The following NSUN6 variants were observed in gnomAD, a reference collection of about 807,000 sequenced individuals.
NSUN6 encodes tRNA (cytosine(72)-C(5))-methyltransferase NSUN6.
A neutral mutation model predicts 58.0 loss-of-function variants in NSUN6; 64 were observed. That is an observed-to-expected ratio of 1.10 (90% CI 0.90 to 1.36). NSUN6 has a LOEUF of 1.36. Ranked by LOEUF, NSUN6 falls within the 40% of genes most tolerant of loss-of-function variation. The pLI is 0.00. For synonymous variants in NSUN6, 231 were observed against 193.9 expected (o/e 1.19, Z -1.59); for missense variants, 701 against 550.1 (o/e 1.27, Z -2.74).
At chr10:18,594,866 G>C (rs1456422132) in intron 7 of NSUN6, among the ~76,000 whole-genome samples, 1 of 152,072 alleles carries the variant, frequency 6.6e-6, no homozygotes, top group Non-Finnish European at 1.5e-5. Context: ...CATGTGATTT[G>C]TTTTGGCCAA....
chr10:18,595,654 A>T (rs573021007), intron 7 of NSUN6, among the ~76,000 whole-genome samples: 32 of 152,238 alleles, frequency 2.1e-4, no homozygotes, highest in Non-Finnish European at 4.3e-4. Flanking sequence ...TGAGTATTAC[A>T]TTCCTCAAAA....
chr10:18,594,510 G>A lies in NSUN6; in HGVS notation c.777+1698C>T, dbSNP rs541249476. On this transcript the variant is annotated intron_variant, in intron 7 of 10. Coordinates refer to ENST00000377304, the MANE Select transcript of NSUN6 (RefSeq NM_182543.5). ...GTCACCCATGCTGGAGTGCAGTGGC[G>A]CGATCTTGGCTCACTGCAATCTCTG... Among the ~76,000 whole-genome samples the A allele has an allele frequency of 1.7e-3, 259 of 151,660 alleles. 1 individual carries two copies. The highest frequency in any genetic ancestry group is 5.8e-3 in the African/African-American group (241 of 41,342).
At chr10:18,594,947 T>A (rs1385174319) in intron 7 of NSUN6, among the ~76,000 whole-genome samples, 1 of 152,176 alleles carries the variant, frequency 6.6e-6, no homozygotes, top group African/African-American at 2.4e-5. Flanking sequence ...CTTGAACAGT[T>A]GGACTTGCTC....
At chr10:18,640,929 T>C (rs1443798864) in intron 3 of NSUN6, among the ~76,000 whole-genome samples, 2 of 151,968 alleles carry the variant, frequency 1.3e-5, no homozygotes, top group Non-Finnish European at 2.9e-5. Flanking sequence ...CCAATCTAAT[T>C]TCCTCAGAGT....
intron 6 of NSUN6, among the ~76,000 whole-genome samples, chr10:18,601,766 A>G (rs2057848877): frequency 6.6e-6 from 1 of 152,022 alleles, no homozygotes; most frequent in Non-Finnish European, 1.5e-5. Context: ...CCAGATCACC[A>G]GGTCAGGAGT....
At chr10:18,623,842 T>G (rs1396447390) in intron 3 of NSUN6, among the ~76,000 whole-genome samples, 1 of 152,184 alleles carries the variant, frequency 6.6e-6, no homozygotes. Flanking sequence ...GCCTCGGCTC[T>G]GCTCACCAGG....
chr10:18,609,907 T>A lies in NSUN6; in HGVS notation c.595A>T (p.Thr199Ser), dbSNP rs145857743. ...GAAGGGCTGAGATATACTGGTTCTG[T>A]CATTCTTATGCCCATGCCTCTGAAA... ...PELKGMGIRM[T>S]EPVYLSPSFD... The change falls in exon 6 of 11, where the codon ACA becomes TCA. Residue 199 changes from threonine (T) to serine (S), a missense_variant. Coordinates refer to ENST00000377304, the MANE Select transcript of NSUN6 (RefSeq NM_182543.5). The A allele has an allele frequency of 1.0e-4, 162 of 1,599,678 alleles. No individual in the cohort carries two copies. The highest frequency in any genetic ancestry group is 2.6e-4 in the South Asian group (24 of 90,666).
intron 6 of NSUN6, among the ~76,000 whole-genome samples, chr10:18,607,676 A>G (rs2058090697): frequency 6.6e-6 from 1 of 152,244 alleles, no homozygotes; most frequent in South Asian, 2.1e-4. Context: ...CATTTTCAAA[A>G]GGCCCTGCTG....
chr10:18,625,429 T>C (rs921865370), intron 3 of NSUN6, among the ~76,000 whole-genome samples: 1 of 151,972 alleles, frequency 6.6e-6, no homozygotes, highest in Non-Finnish European at 1.5e-5. Flanking sequence ...TAAGAGGAAA[T>C]AGGCTGAGTG....
At chr10:18,574,224 G>C (rs1028728946) in intron 8 of NSUN6, among the ~76,000 whole-genome samples, 3 of 151,992 alleles carry the variant, frequency 2.0e-5, no homozygotes, top group Non-Finnish European at 4.4e-5. Flanking sequence ...GTTATTAGTC[G>C]AAGAAAGCAG....
intron 1 of NSUN6, among the ~76,000 whole-genome samples, chr10:18,650,561 A>G (rs2059673821): frequency 6.6e-6 from 1 of 152,180 alleles, no homozygotes; most frequent in Non-Finnish European, 1.5e-5. Flanking sequence ...CAAAAGCTGT[A>G]CCTTTGTTCA....
intron 6 of NSUN6, among the ~76,000 whole-genome samples, chr10:18,600,937 A>AT (rs1228803854): frequency 1.5e-4 from 5 of 33,816 alleles, no homozygotes; most frequent in Non-Finnish European, 2.0e-4. Flanking sequence ...CAAAAAAAAA[A>AT]AAAAATATAT....
intron 8 of NSUN6, among the ~76,000 whole-genome samples, chr10:18,565,863 CCAGTT>C (rs2055888940): frequency 6.6e-6 from 1 of 150,886 alleles, no homozygotes; most frequent in Non-Finnish European, 1.5e-5. Flanking sequence ...ATTCTCCATT[CCAGTT>C]CATTCTGCAT....
At chr10:18,611,371 C>T (rs2058228949) in intron 5 of NSUN6, among the ~76,000 whole-genome samples, 1 of 151,996 alleles carries the variant, frequency 6.6e-6, no homozygotes, top group Non-Finnish European at 1.5e-5. Context: ...TCTTGGCAGA[C>T]ATGCATCTAC....
intron 5 of NSUN6, among the ~76,000 whole-genome samples, chr10:18,612,926 T>A (rs191714835): frequency 2.4e-4 from 37 of 152,312 alleles, no homozygotes; most frequent in Middle Eastern, 6.8e-3. Flanking sequence ...AGGACTCAAA[T>A]TCACTAACTG....
chr10:18,642,531 T>C lies in NSUN6; in HGVS notation c.256A>G (p.Ile86Val), dbSNP rs761515031. The change falls in exon 3 of 11, where the codon ATT becomes GTT. Residue 86 changes from isoleucine to valine, a missense_variant. Transcript: ENST00000377304. ...TCTTGAAGGTCTGGATGTTGAAGAATAGGAACACTTAATCCATTAAACTGC... is the reference window on the plus strand; with the variant it reads ...TCTTGAAGGTCTGGATGTTGAAGAACAGGAACACTTAATCCATTAAACTGC... ...QKQFNGLSVP[I>V]LQHPDLQDVL... is the part of the protein sequence containing the mutation. 1.6e-5 allele frequency: 25 copies of C among 1,535,368 alleles called. 1 individual carries two copies. The Middle Eastern group carries it at 1.2e-3, about 74-fold the overall frequency.
At chr10:18,630,206 C>A (rs929289102) in intron 3 of NSUN6, among the ~76,000 whole-genome samples, 1 of 146,904 alleles carries the variant, frequency 6.8e-6, no homozygotes, top group Non-Finnish European at 1.5e-5. Context: ...TTGAAACCAA[C>A]GAGAACAAAG....
At chr10:18,618,370 T>C (rs1425080303) in intron 3 of NSUN6, among the ~76,000 whole-genome samples, 1 of 152,134 alleles carries the variant, frequency 6.6e-6, no homozygotes, top group African/African-American at 2.4e-5. Context: ...CTATTCTCTA[T>C]ACCTGAGACT....
chr10:18,641,269 T>G (rs991802548), intron 3 of NSUN6, among the ~76,000 whole-genome samples: 1 of 152,132 alleles, frequency 6.6e-6, no homozygotes, highest in Non-Finnish European at 1.5e-5. Context: ...TTATAATTCT[T>G]AGGAGTTTAA....
Sources: allele counts gnomAD v4.1 joint callset (sites outside exome capture counted in the v4.1 genomes callset), GRCh38; gene constraint gnomAD v4.1.1; transcripts MANE v1.5; gene names NCBI Gene and HGNC (gene_info 2026-07-23, HGNC 2026-07-21).